The following OSBP variants were observed in gnomAD, a reference collection of about 807,000 sequenced individuals.
OSBP encodes the protein oxysterol binding protein, also known as oxysterol-binding protein 1.
In OSBP, 32 loss-of-function variants were observed where a neutral mutation model predicts 96.6. That is an observed-to-expected ratio of 0.33 (90% CI 0.25 to 0.45). The LOEUF is 0.45. Among genes scored for constraint, OSBP ranks in the 20% least tolerant of loss-of-function variants. The pLI, the probability that OSBP is intolerant of heterozygous loss-of-function variation, is 1.00. For missense variants in OSBP, 653 were observed against 1,029.7 expected, an observed-to-expected ratio of 0.63 and a Z score of 5.01; for synonymous variants, 369 against 389.6, an observed-to-expected ratio of 0.95 and a Z score of 0.62.
rs1463493791 is a variant in OSBP at position 59,575,408 on chromosome 11, G to A, written c.*1169C>T. On this transcript the variant is annotated 3_prime_UTR_variant, in exon 14 of 14. Coordinates refer to ENST00000263847, the MANE Select transcript of OSBP (RefSeq NM_002556.3). ...CTCTGCCCATAAAAGATGGAGAGCA[G>A]GAGTGCCATCCACATCAACACGTGT... The A allele has an allele frequency of 6.6e-6, 1 of 152,332 alleles. No individual in the cohort carries two copies. The highest frequency in any genetic ancestry group is 2.4e-5 in the African/African-American group (1 of 41,412). The allele number at this position is 152,332 out of a possible 1,614,324, so 9.4% of individuals were successfully genotyped here. A position where few individuals can be genotyped will look rare whatever the true frequency, so the allele number is the denominator to read the frequency against.
At chr11:59,602,545 T>C (rs1048029589) in intron 3 of OSBP, among the ~76,000 whole-genome samples, 4 of 152,328 alleles carry the variant, frequency 2.6e-5, no homozygotes, top group Non-Finnish European at 4.4e-5. Context: ...AAAGAGACCT[T>C]CATAATACGG....
chr11:59,593,068 G>C (rs893438802), intron 9 of OSBP, among the ~76,000 whole-genome samples: 9 of 152,140 alleles, frequency 5.9e-5, no homozygotes, highest in African/African-American at 2.2e-4. Flanking sequence ...AAAGTGCTAG[G>C]ATTACAGGGG....
intron 3 of OSBP, among the ~76,000 whole-genome samples, chr11:59,605,148 G>C (rs558742659): frequency 6.6e-6 from 1 of 151,924 alleles, no homozygotes; most frequent in African/African-American, 2.4e-5. Flanking sequence ...GCGAGACTCT[G>C]TCTCAAAAAA....
intron 9 of OSBP, among the ~76,000 whole-genome samples, chr11:59,585,302 G>A (rs1196933230): frequency 1.3e-5 from 2 of 152,084 alleles, no homozygotes; most frequent in African/African-American, 4.8e-5. Context: ...CGGCTGGGAT[G>A]AGAGGAGCGC....
intron 3 of OSBP, among the ~76,000 whole-genome samples, chr11:59,606,843 A>T (rs1047571564): frequency 6.6e-6 from 1 of 152,224 alleles, no homozygotes; most frequent in Non-Finnish European, 1.5e-5. Flanking sequence ...GAAACAACAC[A>T]GGGATAAAAA....
At position 59,610,469 on chromosome 11, in the gene OSBP, C is replaced by T; in HGVS notation, c.483G>A (p.Leu161=). 6.2e-7 allele frequency: 1 copy of T among 1,614,212 alleles called. No individual in the cohort carries two copies. Among genetic ancestry groups the T allele is most frequent in the Non-Finnish European group, 8.5e-7 (1 of 1,180,038 alleles). The change falls in exon 2 of 14, where the codon CTG becomes CTA. Residue 161 remains leucine (L), a synonymous_variant. Coordinates refer to ENST00000263847, the MANE Select transcript of OSBP (RefSeq NM_002556.3). Reference sequence around the variant, plus strand: ...GCCGCTCAACTTCTGAACTAGCTTTCAGATGGTAGGTCTGAGCACCCCCAT... The same window carrying T: ...GCCGCTCAACTTCTGAACTAGCTTTTAGATGGTAGGTCTGAGCACCCCCAT... ...ISNGGAQTYH[L]KASSEVERQR... is the part of the protein sequence containing the mutation.
intron 2 of OSBP, among the ~76,000 whole-genome samples, chr11:59,610,110 G>A (rs1246824902): frequency 6.6e-6 from 1 of 152,084 alleles, no homozygotes; most frequent in Non-Finnish European, 1.5e-5. Flanking sequence ...CAGCATCCCA[G>A]GCCTCTACTC....
Position 59,601,821 on chromosome 11 carries a change from G to A in OSBP, c.840C>T (p.Leu280=), listed in dbSNP as rs769426479. 6.2e-7 allele frequency: 1 copy of A among 1,614,168 alleles called. No homozygotes were observed. Among genetic ancestry groups the A allele is most frequent in the South Asian group, 1.1e-5 (1 of 91,082 alleles). Residue 280 remains leucine (L), a synonymous_variant, in exon 4 of 14, where the codon CTC becomes CTT. Transcript: ENST00000263847. ...NAMINACRDF[L]MLAQTHSKKW... ...TTTTACTATGGGTCTGGGCTAACAT[G>A]AGGAAATCTCTGCAGGCCTGTATGG...
At chr11:59,576,768 T>G in intron 13 of OSBP, 37 bp downstream of exon 13, 1 of 1,612,910 alleles carries the variant, frequency 6.2e-7, no homozygotes, top group Admixed American at 1.7e-5. Flanking sequence ...GCATTCTCCA[T>G]GCATCAAGAA....
intron 7 of OSBP, among the ~76,000 whole-genome samples, chr11:59,596,383 C>A (rs1329276421): frequency 2.6e-5 from 4 of 152,134 alleles, no homozygotes; most frequent in Non-Finnish European, 5.9e-5. Context: ...ACCAGCAGTG[C>A]ATGGGACTAG....
chr11:59,576,493 G>A lies in OSBP; in HGVS notation c.*84C>T, dbSNP rs945317401. On this transcript the variant is annotated 3_prime_UTR_variant, in exon 14 of 14. Transcript: ENST00000263847. ...GAGACAAACTTGAGGAAAGCACTTG[G>A]TAAGAGAGTCACAACTTCCAGCTTT... 4.4e-5 allele frequency: 64 copies of A among 1,447,986 alleles called. No homozygotes were observed. The highest frequency in any genetic ancestry group is 5.9e-5 in the Non-Finnish European group (63 of 1,064,570). The allele number at this position is 1,447,986 out of a possible 1,614,324, so 89.7% of individuals were successfully genotyped here.
intron 9 of OSBP, among the ~76,000 whole-genome samples, chr11:59,586,231 CAG>C (rs759252528): frequency 7.4e-6 from 1 of 134,928 alleles, no homozygotes; most frequent in African/African-American, 2.7e-5. Context: ...AACAAAGTAA[CAG>C]GGTATAAAGT....
intron 1 of OSBP, 147 bp downstream of exon 1, chr11:59,615,156 G>A (rs1160269781): frequency 1.5e-5 from 9 of 598,542 alleles, no homozygotes; most frequent in South Asian, 5.4e-5. Context: ...AGTGGGCTCC[G>A]ACCCCTGGGC....
intron 11 of OSBP, among the ~76,000 whole-genome samples, chr11:59,579,454 C>A (rs866095208): frequency 3.3e-5 from 5 of 151,470 alleles, no homozygotes; most frequent in South Asian, 4.2e-4. Flanking sequence ...CTGCCTCAGC[C>A]TCCCGAGTAG....
At chr11:59,579,575 C>T (rs911542828) in intron 11 of OSBP, among the ~76,000 whole-genome samples, 7 of 151,816 alleles carry the variant, frequency 4.6e-5, no homozygotes, top group Non-Finnish European at 7.4e-5. Context: ...TCAGGTGATC[C>T]GCCCGCCTCC....
intron 3 of OSBP, among the ~76,000 whole-genome samples, chr11:59,607,579 A>C (rs1382792544): frequency 6.6e-6 from 1 of 152,180 alleles, no homozygotes; most frequent in Non-Finnish European, 1.5e-5. Context: ...ATTAGGAAAA[A>C]AAAAATCTAC....
chr11:59,586,957 G>A (rs1307386967), intron 9 of OSBP, among the ~76,000 whole-genome samples: 1 of 151,880 alleles, frequency 6.6e-6, no homozygotes, highest in African/African-American at 2.4e-5. Context: ...CACAACATTG[G>A]GTTTGGCAAT....
chr11:59,610,401 A>G lies in OSBP; in HGVS notation c.551T>C (p.Val184Ala), dbSNP rs1860829838. Reference protein sequence around the residue: ...TALELAKAKAVKMLAESDESG... With the variant: ...TALELAKAKAAKMLAESDESG... The stretch of plus-strand genomic sequence containing the variant: ...CTGACCTGACTCTGCCAGCATCTTC[A>G]CAGCTTTGGCCTTGGCCAGTTCCAG... Residue 184 changes from valine to alanine, a missense_variant, in exon 2 of 14, where the codon GTG becomes GCG. By Grantham distance (64) the Val-to-Ala change is moderately conservative (BLOSUM62 0). Coordinates refer to ENST00000263847, the MANE Select transcript of OSBP (RefSeq NM_002556.3). 1 of 1,613,262 alleles carries G rather than the reference A, an allele frequency of 6.2e-7. No individual in the cohort carries two copies. Among genetic ancestry groups the G allele is most frequent in the South Asian group, 1.1e-5 (1 of 91,044 alleles).
chr11:59,596,210 G>A (rs927464704), intron 7 of OSBP, among the ~76,000 whole-genome samples: 13 of 152,050 alleles, frequency 8.5e-5, no homozygotes, highest in African/African-American at 2.4e-4. Context: ...GGGGTGGCGC[G>A]CTGCAAAAGC....
Sources: gnomAD v4.1 joint callset for allele counts (sites outside exome capture counted in the v4.1 genomes callset) on GRCh38, gnomAD v4.1.1 for gene constraint, MANE v1.5 for transcripts, NCBI Gene and HGNC (gene_info 2026-07-23, HGNC 2026-07-21) for gene names.